Variants in DNAJC10 observed in about 807,000 individuals in gnomAD.
DNAJC10 encodes endoplasmic reticulum disulfide reductase DNAJC10.
DNAJC10 carries 101 observed loss-of-function variants against 115.0 expected under a neutral mutation model. The observed-to-expected ratio is 0.88, with a 90% confidence interval of 0.75 to 1.04. The LOEUF (loss-of-function observed/expected upper bound fraction) is 1.04, where lower values mean the gene tolerates loss of function less well. DNAJC10 is among the 50% of genes least tolerant of loss of function. The pLI, the probability that DNAJC10 is intolerant of heterozygous loss-of-function variation, is 0.00. For missense variants in DNAJC10, 981 were observed against 928.8 expected (o/e 1.06, Z -0.73); for synonymous variants, 307 against 301.5 (o/e 1.02, Z -0.19).
intron 7 of DNAJC10, among the ~76,000 whole-genome samples, chr2:182,729,518 A>G (rs367810122): frequency 6.6e-6 from 1 of 152,302 alleles, no homozygotes; most frequent in East Asian, 1.9e-4. Flanking sequence ...TGTCTTAAGG[A>G]ACATAATTTA....
rs1330562093 is a variant in DNAJC10 at position 182,789,667 on chromosome 2, G to T, written c.*12535G>T. ...TGGGTGTACAAATATCAGAAACCCT[G>T]CTTTCAGTTCTTTCAGCTATATACC... On this transcript the variant is annotated 3_prime_UTR_variant, in exon 24 of 24. Transcript: ENST00000264065. 6.6e-6 allele frequency: 1 copy of T among 152,124 alleles called. No homozygotes were observed. Among genetic ancestry groups the T allele is most frequent in the East Asian group, 1.9e-4 (1 of 5,182 alleles). 9.4% of individuals were successfully genotyped at this position (152,124 alleles called of 1,614,324 possible). A position where few individuals can be genotyped will look rare whatever the true frequency, so the allele number is the denominator to read the frequency against.
chr2:182,757,769 A>T lies in DNAJC10; in HGVS notation c.1887A>T (p.Gln629His). ...YHSFCAQENVQRYPEIRFFPP... is the reference protein window; with the variant it reads ...YHSFCAQENVHRYPEIRFFPP... ...CTTTTTGTGCCCAGGAAAACGTTCAAAGATACCCTGAGATAAGATTTTTTC... is the reference window on the plus strand; with the variant it reads ...CTTTTTGTGCCCAGGAAAACGTTCATAGATACCCTGAGATAAGATTTTTTC... Residue 629 changes from glutamine (Q) to histidine (H), a missense_variant, in exon 19 of 24, where the codon CAA becomes CAT. Transcript: ENST00000264065. 1 of 1,591,074 alleles carries T rather than the reference A, an allele frequency of 6.3e-7. No homozygotes were observed. The highest frequency in any genetic ancestry group is 8.6e-7 in the Non-Finnish European group (1 of 1,162,228).
At position 182,788,472 on chromosome 2, in the gene DNAJC10, A is replaced by G. The variant is rs1559035834; in HGVS notation, c.*11340A>G. 2 of 209,670 alleles carry G rather than the reference A, an allele frequency of 9.5e-6. No individual in the cohort carries two copies. Among genetic ancestry groups the G allele is most frequent in the African/African-American group, 4.7e-5 (2 of 42,274 alleles). 13.0% of individuals were successfully genotyped at this position (209,670 alleles called of 1,614,324 possible). ...AACTGTAAATCATCAAATAAGTTATAAAACCACCAAAAAATAGGAGAAAAT... is the reference window on the plus strand; with the variant it reads ...AACTGTAAATCATCAAATAAGTTATGAAACCACCAAAAAATAGGAGAAAAT... On this transcript the variant is annotated 3_prime_UTR_variant, in exon 24 of 24. Coordinates refer to ENST00000264065, the MANE Select transcript of DNAJC10 (RefSeq NM_018981.4).
intron 4 of DNAJC10, 33 bp downstream of exon 4, chr2:182,720,202 T>C (rs1558994850): frequency 4.5e-6 from 7 of 1,553,134 alleles, no homozygotes; most frequent in Non-Finnish European, 6.1e-6. Flanking sequence ...ATGAAATGTG[T>C]TTTATCTGAG....
At chr2:182,721,075 A>C (rs926801416) in intron 4 of DNAJC10, among the ~76,000 whole-genome samples, 2 of 152,130 alleles carry the variant, frequency 1.3e-5, no homozygotes, top group Non-Finnish European at 2.9e-5. Context: ...TTGTAAACAC[A>C]CAGGTATCAA....
In DNAJC10 at chr2:182,777,208, C is replaced by T. The variant is rs780545252; in HGVS notation, c.*76C>T. On this transcript the variant is annotated 3_prime_UTR_variant, in exon 24 of 24. Coordinates refer to ENST00000264065, the MANE Select transcript of DNAJC10 (RefSeq NM_018981.4). Reference sequence around the variant, plus strand: ...CAGAAGACACCTATTTAGAATGTTACATTTATGATGGGAATGAATGAACAT... The same window carrying T: ...CAGAAGACACCTATTTAGAATGTTATATTTATGATGGGAATGAATGAACAT... The T allele has an allele frequency of 2.3e-6, 2 of 883,486 alleles. No individual in the cohort carries two copies. Among genetic ancestry groups the T allele is most frequent in the African/African-American group, 3.4e-5 (2 of 58,388 alleles). The allele number at this position is 883,486 out of a possible 1,614,324, so 54.7% of individuals were successfully genotyped here.
intron 5 of DNAJC10, among the ~76,000 whole-genome samples, chr2:182,726,351 G>T (rs1187502159): frequency 6.6e-6 from 1 of 152,092 alleles, no homozygotes. Flanking sequence ...TTATGGATGA[G>T]CAGAGAAAGT....
At chr2:182,756,233 A>C (rs974381314) in intron 17 of DNAJC10, 81 bp from the exon 18 acceptor site, 7 of 1,203,478 alleles carry the variant, frequency 5.8e-6, no homozygotes, top group Middle Eastern at 2.0e-4. Context: ...GAGATACTCA[A>C]CCTGTACCAA....
Position 182,782,702 on chromosome 2 carries a change from G to A in DNAJC10, c.*5570G>A, listed in dbSNP as rs965190483. The A allele has an allele frequency of 3.3e-5, 5 of 152,150 alleles. No homozygotes were observed. Among genetic ancestry groups the A allele is most frequent in the African/African-American group, 4.8e-5 (2 of 41,444 alleles). 9.4% of individuals were successfully genotyped at this position (152,150 alleles called of 1,614,324 possible). A position where few individuals can be genotyped will look rare whatever the true frequency, so the allele number is the denominator to read the frequency against. On this transcript the variant is annotated 3_prime_UTR_variant, in exon 24 of 24. Coordinates refer to ENST00000264065, the MANE Select transcript of DNAJC10 (RefSeq NM_018981.4). ...CAATTGTGAATGGGAGTTCACTCACGATTTGGCTCTCTGTTTGTCAATTAT... is the reference window on the plus strand; with the variant it reads ...CAATTGTGAATGGGAGTTCACTCACAATTTGGCTCTCTGTTTGTCAATTAT...
chr2:182,761,387 G>A (rs1485412420), intron 21 of DNAJC10, among the ~76,000 whole-genome samples: 2 of 151,970 alleles, frequency 1.3e-5, no homozygotes, highest in Non-Finnish European at 2.9e-5. Context: ...TCTTACTTTC[G>A]GTATGCAAGT....
chr2:182,778,775 G>T lies in DNAJC10; in HGVS notation c.*1643G>T, dbSNP rs1230031504. 3 of 152,152 alleles carry T rather than the reference G, an allele frequency of 2.0e-5. No individual in the cohort carries two copies. Among genetic ancestry groups the T allele is most frequent in the African/African-American group, 7.2e-5 (3 of 41,442 alleles). The allele number at this position is 152,152 out of a possible 1,614,324, so 9.4% of individuals were successfully genotyped here. ...GCTTTTTGAATTATGATCAGTAATGGCAAGAGCCTTTCATTCTCGAATGTT... is the reference window on the plus strand; with the variant it reads ...GCTTTTTGAATTATGATCAGTAATGTCAAGAGCCTTTCATTCTCGAATGTT... On this transcript the variant is annotated 3_prime_UTR_variant, in exon 24 of 24. Transcript: ENST00000264065.
chr2:182,734,339 C>T (rs867633252), intron 10 of DNAJC10, among the ~76,000 whole-genome samples: 4 of 151,184 alleles, frequency 2.6e-5, no homozygotes, highest in Non-Finnish European at 4.4e-5. Flanking sequence ...TTTTATTTCT[C>T]TTTGAATCAC....
chr2:182,753,435 C>A lies in DNAJC10; in HGVS notation c.1551+1247C>A, dbSNP rs145650611. 1.8e-3 allele frequency among the ~76,000 whole-genome samples: 274 copies of A among 152,104 alleles called. 3 individuals are homozygous for A. Among genetic ancestry groups the A allele is most frequent in the African/African-American group, 6.3e-3 (261 of 41,504 alleles). ...CAATGGCACATGCCTGTAGAAATTT[C>A]ATTAAAATACATTTTTATAAAAGGA... On this transcript the variant is annotated intron_variant, in intron 16 of 23. Transcript: ENST00000264065.
intron 21 of DNAJC10, among the ~76,000 whole-genome samples, chr2:182,762,033 T>C (rs1239623029): frequency 6.6e-6 from 1 of 152,010 alleles, no homozygotes; most frequent in East Asian, 1.9e-4. Context: ...GTGCCCAGTT[T>C]GGTCAAGCGG....
intron 5 of DNAJC10, among the ~76,000 whole-genome samples, chr2:182,723,839 A>C (rs1236049251): frequency 6.6e-6 from 1 of 152,202 alleles, no homozygotes; most frequent in Non-Finnish European, 1.5e-5. Flanking sequence ...TTCATATAGA[A>C]CCCCAAATGG....
At chr2:182,762,078 A>G (rs1295822990) in intron 21 of DNAJC10, among the ~76,000 whole-genome samples, 2 of 151,984 alleles carry the variant, frequency 1.3e-5, no homozygotes, top group African/African-American at 2.4e-5. Flanking sequence ...CAGCAGAGGG[A>G]GCAGTAAGCA....
intron 5 of DNAJC10, among the ~76,000 whole-genome samples, chr2:182,725,512 A>T (rs1416414610): frequency 6.6e-6 from 1 of 152,220 alleles, no homozygotes; most frequent in Admixed American, 6.5e-5. Flanking sequence ...AACACAAAAC[A>T]GCCATACTGC....
intron 14 of DNAJC10, among the ~76,000 whole-genome samples, chr2:182,746,715 G>T (rs1230757904): frequency 1.3e-5 from 2 of 152,046 alleles, no homozygotes; most frequent in East Asian, 3.9e-4. Flanking sequence ...CTTTTGCTGT[G>T]CAGAAGCTCT....
In DNAJC10 at chr2:182,741,284, T is replaced by C; in HGVS notation, c.1119T>C (p.Phe373=). Residue 373 remains phenylalanine (F), a synonymous_variant, in exon 13 of 24, where the codon TTT becomes TTC. Transcript: ENST00000264065. The part of the protein sequence containing the change: ...AHHRWLLFFH[F]GKNENSNDPE... ...ATCGGTGGCTGTTATTTTTTCATTT[T>C]GGAAAAAATGAAAATTCAAATGATC... 1 of 1,605,866 alleles carries C rather than the reference T, an allele frequency of 6.2e-7. No homozygotes were observed. Among genetic ancestry groups the C allele is most frequent in the Admixed American group, 1.7e-5 (1 of 58,498 alleles).
Sources: gnomAD v4.1 joint callset for allele counts (sites outside exome capture counted in the v4.1 genomes callset) on GRCh38, gnomAD v4.1.1 for gene constraint, MANE v1.5 for transcripts, NCBI Gene and HGNC (gene_info 2026-07-23, HGNC 2026-07-21) for gene names.